The following ICAM2 variants were observed in gnomAD, a reference collection of about 807,000 sequenced individuals.
ICAM2 encodes intercellular adhesion molecule 2.
In ICAM2, 14 loss-of-function variants were observed where a neutral mutation model predicts 19.1. That is an observed-to-expected ratio of 0.73 (90% CI 0.48 to 1.15). ICAM2 has a LOEUF of 1.15. ICAM2 is among the 50% of genes most tolerant of loss of function. The probability of loss-of-function intolerance (pLI) is 0.00; values close to 1 mark genes in which losing one functional copy is unlikely to be tolerated. For missense variants in ICAM2, 311 were observed against 355.4 expected (o/e 0.88, Z 1.00); for synonymous variants, 153 against 152.7 (o/e 1.00, Z -0.01).
intron 1 of ICAM2, among the ~76,000 whole-genome samples, chr17:64,014,232 G>C (rs1040444227): frequency 6.6e-6 from 1 of 151,214 alleles, no homozygotes; most frequent in African/African-American, 2.4e-5. Flanking sequence ...CCAGCACTTT[G>C]GGAGGCCAAG....
chr17:64,006,747 T>C lies in ICAM2; in HGVS notation c.-44-12A>G. The C allele has an allele frequency of 6.5e-7, 1 of 1,533,172 alleles. No homozygotes were observed. The highest frequency in any genetic ancestry group is 1.1e-5 in the South Asian group (1 of 89,172). The allele number at this position is 1,533,172 out of a possible 1,614,324, so 95.0% of individuals were successfully genotyped here. On this transcript the variant is annotated splice_polypyrimidine_tract_variant and intron_variant, in intron 1 of 4. Transcript: ENST00000579788. ...CAGCCAAGGGCTGCCTGGAGGGAGA[T>C]GGTGGGCGCAGGTCTGAGCTATGGC...
intron 1 of ICAM2, among the ~76,000 whole-genome samples, chr17:64,019,611 C>T (rs892369510): frequency 2.0e-5 from 3 of 151,762 alleles, no homozygotes; most frequent in Admixed American, 6.6e-5. Flanking sequence ...GTCAAGAGAT[C>T]GAGACTCTCC....
chr17:64,012,935 GTAGAGA>G (rs1160268394), intron 1 of ICAM2, among the ~76,000 whole-genome samples: 2 of 152,112 alleles, frequency 1.3e-5, no homozygotes, highest in African/African-American at 4.8e-5. Context: ...AGGAAAACCA[GTAGAGA>G]TAAAGTATAT....
In ICAM2 at chr17:64,014,559, G is replaced by C. The variant is rs529435140; in HGVS notation, c.-45+5964C>G. On this transcript the variant is annotated intron_variant, in intron 1 of 4. Coordinates refer to ENST00000579788, the MANE Select transcript of ICAM2 (RefSeq NM_001099789.2). The stretch of plus-strand genomic sequence containing the variant: ...AGAGAGAAAGGAAGGAAGGAAGAAA[G>C]AAAGAGAGAGAGAAAGGAAGGAAGG... Among the ~76,000 whole-genome samples the C allele has an allele frequency of 2.9e-5, 4 of 135,958 alleles. No homozygotes were observed. The East Asian group carries it at 9.3e-4, about 32-fold the overall frequency. The allele number at this position is 135,958 out of a possible 152,430, so 89.2% of individuals were successfully genotyped here. A position where few individuals can be genotyped will look rare whatever the true frequency, so the allele number is the denominator to read the frequency against.
intron 1 of ICAM2, among the ~76,000 whole-genome samples, chr17:64,011,106 G>C (rs1307384883): frequency 6.6e-6 from 1 of 152,096 alleles, no homozygotes; most frequent in Non-Finnish European, 1.5e-5. Flanking sequence ...TCAGAATAAA[G>C]AGAAAGATGA....
chr17:64,005,399 T>A lies in ICAM2; in HGVS notation c.62-26A>T, dbSNP rs775568465. 116 of 1,604,192 alleles carry A rather than the reference T, an allele frequency of 7.2e-5. 5 individuals carry two copies. The South Asian group carries it at 1.2e-3, about 16-fold the overall frequency. ...CTGGAAAACCAGAAACACTGGGCAG[T>A]CGTGTCATCCCCCCACCCCCTGCCC... On this transcript the variant is annotated intron_variant, in intron 2 of 4. Coordinates refer to ENST00000579788, the MANE Select transcript of ICAM2 (RefSeq NM_001099789.2).
Position 64,002,730 on chromosome 17 carries a change from C to A in ICAM2, c.*17G>T. On this transcript the variant is annotated 3_prime_UTR_variant, in exon 5 of 5. Coordinates refer to ENST00000579788, the MANE Select transcript of ICAM2 (RefSeq NM_001099789.2). ...TTCCAGTGACCACCGTGGTGGTGGC[C>A]ATGCCACTCATGGTTGCTATGGCCG... 1.9e-6 allele frequency: 3 copies of A among 1,606,784 alleles called. No homozygotes were observed. The highest frequency in any genetic ancestry group is 2.5e-6 in the Non-Finnish European group (3 of 1,177,544).
chr17:64,010,539 A>AT (rs1911407853), intron 1 of ICAM2, among the ~76,000 whole-genome samples: 2 of 39,450 alleles, frequency 5.1e-5, no homozygotes, highest in Admixed American at 4.3e-4. Flanking sequence ...CTTGTTTGAA[A>AT]GAAAAAAAAA....
chr17:64,013,020 A>AG (rs1376186028), intron 1 of ICAM2, among the ~76,000 whole-genome samples: 1 of 152,212 alleles, frequency 6.6e-6, no homozygotes, highest in African/African-American at 2.4e-5. Context: ...GTTAAAAAAA[A>AG]TTAAGAAGAA....
At position 64,018,231 on chromosome 17, in the gene ICAM2, G is replaced by T. The variant is rs182923622; in HGVS notation, c.-45+2292C>A. On this transcript the variant is annotated intron_variant, in intron 1 of 4. Coordinates refer to ENST00000579788, the MANE Select transcript of ICAM2 (RefSeq NM_001099789.2). The stretch of plus-strand genomic sequence containing the variant: ...CACCTGTAGTCCCAGCTACTCGGGA[G>T]GCTGAGGCAGGAGAATGGCGTGAAC... 5.2e-3 allele frequency among the ~76,000 whole-genome samples: 783 copies of T among 151,350 alleles called. 4 individuals carry two copies. Among genetic ancestry groups the T allele is most frequent in the Non-Finnish European group, 7.3e-3 (497 of 67,898 alleles).
At chr17:64,018,104 C>T (rs1358277535) in intron 1 of ICAM2, among the ~76,000 whole-genome samples, 2 of 151,926 alleles carry the variant, frequency 1.3e-5, no homozygotes, top group African/African-American at 4.8e-5. Flanking sequence ...GAGGCCGAGG[C>T]GGGCTGATCA....
At chr17:64,017,668 C>T (rs1478697700) in intron 1 of ICAM2, among the ~76,000 whole-genome samples, 3 of 152,184 alleles carry the variant, frequency 2.0e-5, no homozygotes, top group Non-Finnish European at 4.4e-5. Context: ...GGGATTTGCT[C>T]TGCTAGATAT....
rs538760979 is a variant in ICAM2 at position 64,004,112 on chromosome 17, C to T, written c.329-148G>A. On this transcript the variant is annotated intron_variant, in intron 3 of 4. Coordinates refer to ENST00000579788, the MANE Select transcript of ICAM2 (RefSeq NM_001099789.2). ...GGCTCCAGTGCAGAGAGGAAGAGGG[C>T]AGCAGTTGAGGATGGAGGCTGGACT... is the stretch of plus-strand genomic sequence containing the variant. 127 of 623,710 alleles carry T rather than the reference C, an allele frequency of 2.0e-4. No homozygotes were observed. In the South Asian group the frequency reaches 2.2e-3, roughly 11 times the overall value. The allele number at this position is 623,710 out of a possible 1,614,324, so 38.6% of individuals were successfully genotyped here. A position where few individuals can be genotyped will look rare whatever the true frequency, so the allele number is the denominator to read the frequency against.
intron 1 of ICAM2, among the ~76,000 whole-genome samples, chr17:64,017,136 G>C (rs1911746351): frequency 6.6e-6 from 1 of 152,226 alleles, no homozygotes; most frequent in Admixed American, 6.5e-5. Flanking sequence ...TGCAGTAAAA[G>C]GAAAGGAAGG....
At chr17:64,018,126 G>A (rs1911786726) in intron 1 of ICAM2, among the ~76,000 whole-genome samples, 1 of 152,066 alleles carries the variant, frequency 6.6e-6, no homozygotes. Flanking sequence ...GCGGTCAGAA[G>A]ATCGAGACCA....
At chr17:64,011,006 ACTC>A (rs1911428369) in intron 1 of ICAM2, among the ~76,000 whole-genome samples, 1 of 151,904 alleles carries the variant, frequency 6.6e-6, no homozygotes, top group South Asian at 2.1e-4. Flanking sequence ...AACTCAAACA[ACTC>A]AATAGCAAGA....
Position 64,003,846 on chromosome 17 carries a change from C to A in ICAM2, c.447G>T (p.Leu149=). Residue 149 remains leucine, a synonymous_variant, in exon 4 of 5, where the codon CTG becomes CTT. Coordinates refer to ENST00000579788, the MANE Select transcript of ICAM2 (RefSeq NM_001099789.2). ...VEPLDSLTLF[L]FRGNETLHYE... Reference sequence around the variant, plus strand: ...AGTGCAGAGTCTCATTGCCACGGAACAGGAAGAGGGTGAGGCTGTCCAGGG... The same window carrying A: ...AGTGCAGAGTCTCATTGCCACGGAAAAGGAAGAGGGTGAGGCTGTCCAGGG... 6.2e-7 allele frequency: 1 copy of A among 1,614,226 alleles called. No individual in the cohort carries two copies. The highest frequency in any genetic ancestry group is 1.3e-5 in the African/African-American group (1 of 75,062).
At position 64,002,794 on chromosome 17, in the gene ICAM2, C is replaced by G. The variant is rs747555707; in HGVS notation, c.781G>C (p.Gly261Arg). The G allele has an allele frequency of 1.2e-6, 2 of 1,613,590 alleles. No homozygotes were observed. The highest frequency in any genetic ancestry group is 8.5e-7 in the Non-Finnish European group (1 of 1,179,990). Residue 261 changes from glycine (G) to arginine (R), a missense_variant, in exon 5 of 5, where the codon GGG (glycine) becomes CGG (arginine). By Grantham distance (125) the Gly-to-Arg change is moderately radical (BLOSUM62 -2). Coordinates refer to ENST00000579788, the MANE Select transcript of ICAM2 (RefSeq NM_001099789.2). Reference sequence around the variant, plus strand: ...AGCCTCCTCCAAGCCGCTCGCACCCCGTAGGTGCCCATCCGCTGCTGGCGC... The same window carrying G: ...AGCCTCCTCCAAGCCGCTCGCACCCGGTAGGTGCCCATCCGCTGCTGGCGC... ...HLRQQRMGTY[G>R]VRAAWRRLPQ... is the part of the protein sequence containing the mutation.
chr17:64,009,942 C>A (rs1223045284), intron 1 of ICAM2, among the ~76,000 whole-genome samples: 1 of 152,140 alleles, frequency 6.6e-6, no homozygotes, highest in Non-Finnish European at 1.5e-5. Flanking sequence ...TGCCAGCTGG[C>A]CTGAAGGACC....
Sources: gnomAD v4.1 joint callset for allele counts (sites outside exome capture counted in the v4.1 genomes callset) on GRCh38, gnomAD v4.1.1 for gene constraint, MANE v1.5 for transcripts, NCBI Gene and HGNC (gene_info 2026-07-23, HGNC 2026-07-21) for gene names.